Variants in EVPL observed in about 807,000 individuals in gnomAD.
The protein encoded by EVPL is 210 kDa cornified envelope precursor protein.
A neutral mutation model predicts 129.7 loss-of-function variants in EVPL; 94 were observed. The observed-to-expected ratio is 0.72, with a 90% CI of 0.61 to 0.86. The LOEUF is 0.86. Ranked by LOEUF, EVPL falls within the 40% of genes least tolerant of loss-of-function variation. EVPL has a pLI of 0.00. For synonymous variants in EVPL, 1,172 were observed against 1,191.1 expected (o/e 0.98, Z 0.33); for missense variants, 2,625 against 2,721.1 (o/e 0.96, Z 0.79).
At chr17:76,020,085 C>T (rs574682108) in intron 9 of EVPL, among the ~76,000 whole-genome samples, 375 of 151,882 alleles carry the variant, frequency 2.5e-3, no homozygotes, top group African/African-American at 8.4e-3. Context: ...ACCAGCTAAA[C>T]CTAAACCAGC....
chr17:76,018,472 G>A lies in EVPL; in HGVS notation c.1413C>T (p.Asp471=). ...PAACFCIPAP[D]PDAVARASRL... is the part of the protein sequence containing the mutation. ...GGGAGGCCCTGGCCACAGCATCAGG[G>A]TCTGGTGCTGGGATGCAGAAGCAGG... Residue 471 remains aspartate, a synonymous_variant, in exon 12 of 22, where the codon GAC becomes GAT. Coordinates refer to ENST00000301607, the MANE Select transcript of EVPL (RefSeq NM_001988.4). The A allele has an allele frequency of 1.2e-6, 2 of 1,612,476 alleles. No individual in the cohort carries two copies. Among genetic ancestry groups the A allele is most frequent in the Non-Finnish European group, 1.7e-6 (2 of 1,179,706 alleles).
Position 76,007,175 on chromosome 17 carries a change from G to A in EVPL, c.6030C>T (p.Leu2010=). 8 of 1,517,424 alleles carry A rather than the reference G, an allele frequency of 5.3e-6. No homozygotes were observed. Among genetic ancestry groups the A allele is most frequent in the South Asian group, 1.3e-5 (1 of 76,912 alleles). The allele number at this position is 1,517,424 out of a possible 1,614,324, so 94.0% of individuals were successfully genotyped here. A position where few individuals can be genotyped will look rare whatever the true frequency, so the allele number is the denominator to read the frequency against. Reference sequence around the variant, plus strand: ...GGTACCCCTCCAGTGCCGCTGGCAGGAGCAGCAGGCCGCTCAGGGGGTCTT... The same window carrying A: ...GGTACCCCTCCAGTGCCGCTGGCAGAAGCAGCAGGCCGCTCAGGGGGTCTT... The part of the protein sequence containing the change: ...CRKDPLSGLL[L]LPAALEGYRC... The change falls in exon 22 of 22, where the codon CTC becomes CTT. Residue 2010 remains leucine (L), a synonymous_variant. Coordinates refer to ENST00000301607, the MANE Select transcript of EVPL (RefSeq NM_001988.4). This position sits in a 1 kb window ranked among gnomAD's most constrained non-coding sequence, Gnocchi z 8.8.
rs1231161348 is a variant in EVPL, at chr17:76,008,618, G to A, written c.4587C>T (p.Asp1529=). ...IYKEVIRVQK[D]RVLEDERARV... ...GGGCCCGCTCATCTTCCAGGACGCG[G>A]TCCTTCTGCACCCGGATCACTTCCT... is the stretch of plus-strand genomic sequence containing the variant. Residue 1529 remains aspartate, a synonymous_variant, in exon 22 of 22, where the codon GAC becomes GAT. Transcript: ENST00000301607. This position sits in a 1 kb window ranked among gnomAD's most constrained non-coding sequence, Gnocchi z 7.4. 4.3e-6 allele frequency: 7 copies of A among 1,612,112 alleles called. No individual in the cohort carries two copies. The highest frequency in any genetic ancestry group is 4.5e-5 in the East Asian group (2 of 44,880).
intron 14 of EVPL, among the ~76,000 whole-genome samples, chr17:76,016,409 G>T (rs1271719710): frequency 1.3e-5 from 2 of 152,178 alleles, no homozygotes; most frequent in African/African-American, 2.4e-5. Flanking sequence ...CTCTGCACCA[G>T]GCACCACCCA....
Position 76,008,839 on chromosome 17 carries a change from C to T in EVPL, c.4366G>A (p.Val1456Met). 1 of 1,614,018 alleles carries T rather than the reference C, an allele frequency of 6.2e-7. No individual in the cohort carries two copies. Among genetic ancestry groups the T allele is most frequent in the Non-Finnish European group, 8.5e-7 (1 of 1,179,998 alleles). The part of the protein sequence containing the change: ...IQELEKRPPT[V>M]QEKIIMEEVV... ...TCCTCCATGATGATCTTCTCCTGCACCGTGGGAGGCCGCTTCTCGAGCTCC... is the reference window on the plus strand; with the variant it reads ...TCCTCCATGATGATCTTCTCCTGCATCGTGGGAGGCCGCTTCTCGAGCTCC... The change falls in exon 22 of 22, where the codon GTG (valine) becomes ATG (methionine). Residue 1456 changes from valine to methionine, a missense_variant. By Grantham distance (21) the Val-to-Met change is conservative. Around this residue, in one of 4 missense-constraint regions of EVPL, gnomAD observed 1,453 missense variants for 1,511.8 expected, o/e 0.96. Transcript: ENST00000301607. This position sits in a 1 kb window ranked among gnomAD's most constrained non-coding sequence, Gnocchi z 7.4.
Position 76,008,956 on chromosome 17 carries a change from C to G in EVPL, c.4249G>C (p.Glu1417Gln). 6.2e-7 allele frequency: 1 copy of G among 1,611,706 alleles called. No homozygotes were observed. Among genetic ancestry groups the G allele is most frequent in the Non-Finnish European group, 8.5e-7 (1 of 1,179,944 alleles). Residue 1417 changes from glutamate (E) to glutamine (Q), a missense_variant, in exon 22 of 22, where the codon GAG becomes CAG. Physicochemically the swap from Glu to Gln is conservative, Grantham distance 29. This residue lies in a region of EVPL where 1,453 missense variants were observed against 1,511.8 expected (regional missense o/e 0.96). Coordinates refer to ENST00000301607, the MANE Select transcript of EVPL (RefSeq NM_001988.4). The surrounding 1 kb of genome is among the most constrained non-coding windows in gnomAD (Gnocchi z 7.4). ...AAGCTGAGCAGGCCCTCCTGCTCCT[C>G]CACGCCGGCCCGCAGCTGCTGCACC... Reference protein sequence around the residue: ...LEVQQLRAGVEEQEGLLSFQE... With the variant: ...LEVQQLRAGVQEQEGLLSFQE...
In EVPL at chr17:76,018,528, G is replaced by C. The variant is rs772338642; in HGVS notation, c.1357C>G (p.Pro453Ala). 9.3e-6 allele frequency: 15 copies of C among 1,612,810 alleles called. No homozygotes were observed. Among genetic ancestry groups the C allele is most frequent in the Non-Finnish European group, 1.3e-5 (15 of 1,179,896 alleles). The change falls in exon 12 of 22, where the codon CCT becomes GCT. Residue 453 changes from proline (P) to alanine (A), a missense_variant. By Grantham distance (27) the Pro-to-Ala change is conservative. Transcript: ENST00000301607. ...TDPHAWVVQG[P>A]GGETKRAPAA... The stretch of plus-strand genomic sequence containing the variant: ...GGAGCACGCTTGGTCTCCCCGCCAG[G>C]GCCCTGCACGACCCAGGCGTGCGGG...
chr17:76,010,063 C>G lies in EVPL; in HGVS notation c.3142G>C (p.Val1048Leu). 1 of 1,613,178 alleles carries G rather than the reference C, an allele frequency of 6.2e-7. No homozygotes were observed. ...QIQQLRGEDA[V>L]ISARLEGLKK... is the part of the protein sequence containing the mutation. ...AGCCCTTCCAGCCGGGCCGAGATGA[C>G]GGCATCCTCCCCGCGGAGCTGCTGG... is the stretch of plus-strand genomic sequence containing the variant. The change falls in exon 22 of 22, where the codon GTC becomes CTC. Residue 1048 changes from valine to leucine, a missense_variant. By Grantham distance (32) the Val-to-Leu change is conservative. This residue lies in a region of EVPL where 1,453 missense variants were observed against 1,511.8 expected (regional missense o/e 0.96). Transcript: ENST00000301607.
At chr17:76,018,833 G>A in intron 11 of EVPL, 81 bp downstream of exon 11, 1 of 1,430,312 alleles carries the variant, frequency 7.0e-7, no homozygotes, top group Non-Finnish European at 9.3e-7. Flanking sequence ...TGGGGATGGA[G>A]CAGGGATGGG....
chr17:76,010,407 T>C lies in EVPL; in HGVS notation c.2798A>G (p.His933Arg). 1 of 1,613,942 alleles carries C rather than the reference T, an allele frequency of 6.2e-7. No individual in the cohort carries two copies. Among genetic ancestry groups the C allele is most frequent in the Non-Finnish European group, 8.5e-7 (1 of 1,179,998 alleles). The change falls in exon 22 of 22, where the codon CAT becomes CGT. Residue 933 changes from histidine to arginine, a missense_variant. Physicochemically the swap from His to Arg is conservative, Grantham distance 29. Transcript: ENST00000301607. ...EERKRVARVQHELEAQRSQLL... is the reference protein window; with the variant it reads ...EERKRVARVQRELEAQRSQLL... ...TTGGCTCCTCTGCGCCTCCAGCTCA[T>C]GCTGCACCCGGGCCACCCGCTTCCT...
intron 9 of EVPL, 121 bp downstream of exon 9, chr17:76,021,347 C>T (rs1297120840): frequency 4.1e-5 from 38 of 923,246 alleles, no homozygotes; most frequent in Non-Finnish European, 6.2e-5. Context: ...TGAGCCACCG[C>T]GCCCTGCCAG....
At position 76,009,702 on chromosome 17, in the gene EVPL, G is replaced by A. The variant is rs149505943; in HGVS notation, c.3503C>T (p.Thr1168Met). 1.6e-3 allele frequency: 2,643 copies of A among 1,613,470 alleles called. 6 individuals carry two copies. The highest frequency in any genetic ancestry group is 5.3e-3 in the Middle Eastern group (32 of 6,062). Residue 1168 changes from threonine to methionine, a missense_variant, in exon 22 of 22, where the codon ACG becomes ATG. By Grantham distance (81) the Thr-to-Met change is moderately conservative. Coordinates refer to ENST00000301607, the MANE Select transcript of EVPL (RefSeq NM_001988.4). The surrounding 1 kb of genome is among the most constrained non-coding windows in gnomAD (Gnocchi z 5.9). ...CAGGTCGCTCAGCTCCCTGGCCAGC[G>A]TCGCGTTCTTGGTCCTCTCCTCCTC... ...LLEEERTKNA[T>M]LARELSDLHS...
Position 76,022,214 on chromosome 17 carries a change from A to G in EVPL, c.620T>C (p.Ile207Thr), listed in dbSNP as rs1469835824. ...CAGTAGGTCTCGGTATTGGCTCCGG[A>G]TGGTGGCTGCATCCTGCCTCGACCA... ...RSLVGPDAAT[I>T]RSQYRDLLKA... The change falls in exon 6 of 22, where the codon ATC (isoleucine) becomes ACC (threonine). Residue 207 changes from isoleucine (I) to threonine (T), a missense_variant. By Grantham distance (89) the Ile-to-Thr change is moderately conservative. This residue lies in a region of EVPL where 1,024 missense variants were observed against 997.5 expected (regional missense o/e 1.03). Coordinates refer to ENST00000301607, the MANE Select transcript of EVPL (RefSeq NM_001988.4). This position sits in a 1 kb window ranked among gnomAD's most constrained non-coding sequence, Gnocchi z 5.6. 1.9e-6 allele frequency: 3 copies of G among 1,612,534 alleles called. No individual in the cohort carries two copies. Among genetic ancestry groups the G allele is most frequent in the Non-Finnish European group, 2.5e-6 (3 of 1,179,630 alleles).
chr17:76,024,163 C>T lies in EVPL; in HGVS notation c.99-43G>A. 4.5e-6 allele frequency: 7 copies of T among 1,572,950 alleles called. No homozygotes were observed. Among genetic ancestry groups the T allele is most frequent in the Non-Finnish European group, 5.2e-6 (6 of 1,150,966 alleles). ...CAGCGGGTAGCTCGGTGGAAGAGGC[C>T]CCTCTGTGCCCCATCCAGGTGGCAT... On this transcript the variant is annotated intron_variant, in intron 1 of 21. Coordinates refer to ENST00000301607, the MANE Select transcript of EVPL (RefSeq NM_001988.4). This position sits in a 1 kb window ranked among gnomAD's most constrained non-coding sequence, Gnocchi z 4.5.
rs754183213 is a variant in EVPL, at chr17:76,011,648, G to A, written c.2589C>T (p.Ala863=). The A allele has an allele frequency of 6.2e-7, 1 of 1,614,064 alleles. No individual in the cohort carries two copies. Among genetic ancestry groups the A allele is most frequent in the South Asian group, 1.1e-5 (1 of 91,090 alleles). ...IQAQEKNLAK[A]YTEVAAAQQQ... ...GCTGTGCTGCTGCAACCTCAGTATA[G>A]GCCTTTGCAAGGTTCTTCTCCTGGA... The change falls in exon 21 of 22, where the codon GCC becomes GCT. Residue 863 remains alanine, a synonymous_variant. Transcript: ENST00000301607.
intron 21 of EVPL, 35 bp from the exon 22 acceptor site, chr17:76,010,578 G>A (rs1253186611): frequency 9.6e-6 from 15 of 1,569,418 alleles, no homozygotes; most frequent in Non-Finnish European, 1.3e-5. Flanking sequence ...CACGGGGTGG[G>A]CGGTAGAGAT....
rs2066408354 is a variant in EVPL, at chr17:76,015,093, A to G, written c.2045T>C (p.Leu682Pro). 6.3e-7 allele frequency: 1 copy of G among 1,575,154 alleles called. No homozygotes were observed. Among genetic ancestry groups the G allele is most frequent in the African/African-American group, 1.3e-5 (1 of 74,478 alleles). ...VSELQRQRRE[L>P]LEQQTCVLRL... is the part of the protein sequence containing the mutation. ...CAGCACGCAGGTCTGCTGTTCCAGC[A>G]GCTCCCTCCGCTGGCGCTGCAGGAG... The change falls in exon 17 of 22, where the codon CTG becomes CCG. Residue 682 changes from leucine (L) to proline (P), a missense_variant. Coordinates refer to ENST00000301607, the MANE Select transcript of EVPL (RefSeq NM_001988.4).
At position 76,008,963 on chromosome 17, in the gene EVPL, G is replaced by T. The variant is rs536476114; in HGVS notation, c.4242C>A (p.Ala1414=). ...QLELEVQQLR[A]GVEEQEGLLS... ...GCAGGCCCTCCTGCTCCTCCACGCCGGCCCGCAGCTGCTGCACCTCAAGCT... is the reference window on the plus strand; with the variant it reads ...GCAGGCCCTCCTGCTCCTCCACGCCTGCCCGCAGCTGCTGCACCTCAAGCT... The change falls in exon 22 of 22, where the codon GCC becomes GCA. Residue 1414 remains alanine, a synonymous_variant. Coordinates refer to ENST00000301607, the MANE Select transcript of EVPL (RefSeq NM_001988.4). The surrounding 1 kb of genome is among the most constrained non-coding windows in gnomAD (Gnocchi z 7.4). 1 of 1,611,398 alleles carries T rather than the reference G, an allele frequency of 6.2e-7. No homozygotes were observed. The highest frequency in any genetic ancestry group is 2.2e-5 in the East Asian group (1 of 44,870).
Position 76,018,579 on chromosome 17 carries a change from G to T in EVPL, c.1306C>A (p.Arg436=), listed in dbSNP as rs199647264. 83 of 1,605,496 alleles carry T rather than the reference G, an allele frequency of 5.2e-5. No homozygotes were observed. Among genetic ancestry groups the T allele is most frequent in the Non-Finnish European group, 6.3e-5 (74 of 1,176,172 alleles). ...SGEVQLLQGE[R]YKLVDNTDPH... ...TCAGTGTTATCTACCAGCTTATACC[G>T]CTCACCCTGCAGCAGCTGCACCTGG... is the stretch of plus-strand genomic sequence containing the variant. Residue 436 remains arginine (R), a synonymous_variant, in exon 12 of 22, where the codon CGG becomes AGG. Transcript: ENST00000301607.
Sources: allele counts gnomAD v4.1 joint callset (sites outside exome capture counted in the v4.1 genomes callset), GRCh38; gene constraint gnomAD v4.1.1; regional missense constraint gnomAD v4.1.1; non-coding constraint Gnocchi (gnomAD v3.1); transcripts MANE v1.5; gene names NCBI Gene and HGNC (gene_info 2026-07-23, HGNC 2026-07-21).